SMPD3: variants seen among roughly 807,000 people sequenced by gnomAD.
SMPD3 encodes the protein sphingomyelin phosphodiesterase 3, also known as nSMase-2.
SMPD3 carries 21 observed loss-of-function variants against 55.7 expected under a neutral mutation model. The observed-to-expected ratio is 0.38, with a 90% CI of 0.27 to 0.54. SMPD3 has a LOEUF of 0.54. Ranked by LOEUF, SMPD3 falls within the 20% of genes least tolerant of loss-of-function variation. The pLI is 0.80. For missense variants in SMPD3, 842 were observed against 899.6 expected, an observed-to-expected ratio of 0.94 and a Z score of 0.82; for synonymous variants, 457 against 404.3, an observed-to-expected ratio of 1.13 and a Z score of -1.56.
intron 1 of SMPD3, among the ~76,000 whole-genome samples, chr16:68,420,837 ACT>A (rs2090387789): frequency 6.6e-6 from 1 of 152,132 alleles, no homozygotes; most frequent in Non-Finnish European, 1.5e-5. Flanking sequence ...CATGATGGTG[ACT>A]CAGGTAGGTG....
chr16:68,438,669 T>C (rs1281237544), intron 1 of SMPD3, among the ~76,000 whole-genome samples: 1 of 152,174 alleles, frequency 6.6e-6, no homozygotes, highest in African/African-American at 2.4e-5. Flanking sequence ...CCCTGTTCAT[T>C]TGATCACAAC....
At chr16:68,393,805 A>G (rs540665394) in intron 1 of SMPD3, among the ~76,000 whole-genome samples, 14 of 151,896 alleles carry the variant, frequency 9.2e-5, no homozygotes, top group East Asian at 1.9e-4. Flanking sequence ...AAAAAGTACA[A>G]TTGTGCACAA....
chr16:68,392,254 A>T (rs866173549), intron 1 of SMPD3, among the ~76,000 whole-genome samples: 2 of 152,182 alleles, frequency 1.3e-5, no homozygotes, highest in Non-Finnish European at 1.5e-5. Flanking sequence ...TGTACTTTGA[A>T]TTTTGACCTT....
At position 68,402,954 on chromosome 16, in the gene SMPD3, C is replaced by T. The variant is rs538977829; in HGVS notation, c.-268-16295G>A. Reference sequence around the variant, plus strand: ...TGCTGACTTGCTGGAGGGGAAGCTTCGCTTCTATAATGATGATGAGCTAGT... The same window carrying T: ...TGCTGACTTGCTGGAGGGGAAGCTTTGCTTCTATAATGATGATGAGCTAGT... On this transcript the variant is annotated intron_variant, in intron 1 of 8. Transcript: ENST00000219334. Among the ~76,000 whole-genome samples the T allele has an allele frequency of 6.6e-5, 10 of 152,322 alleles. No individual in the cohort carries two copies. The South Asian group carries it at 2.1e-3, about 32-fold the overall frequency.
intron 1 of SMPD3, among the ~76,000 whole-genome samples, chr16:68,441,989 C>T (rs140509137): frequency 8.1e-4 from 123 of 152,288 alleles, no homozygotes; most frequent in African/African-American, 2.9e-3. Context: ...TAGTCTTGAA[C>T]TCTTGGCCTC....
At chr16:68,362,879 C>T (rs914286534) in intron 7 of SMPD3, among the ~76,000 whole-genome samples, 2 of 152,186 alleles carry the variant, frequency 1.3e-5, no homozygotes, top group Non-Finnish European at 2.9e-5. Flanking sequence ...CAAATTTAGT[C>T]TATAATCTAA....
chr16:68,398,477 G>A (rs1410969195), intron 1 of SMPD3, among the ~76,000 whole-genome samples: 1 of 151,800 alleles, frequency 6.6e-6, no homozygotes, highest in Non-Finnish European at 1.5e-5. Context: ...CCTGGCCTGA[G>A]GTGGCCGAGC....
Position 68,361,680 on chromosome 16 carries a change from C to G in SMPD3, c.1789G>C (p.Glu597Gln). The G allele has an allele frequency of 3.1e-6, 5 of 1,612,792 alleles. No individual in the cohort carries two copies. Among genetic ancestry groups the G allele is most frequent in the Non-Finnish European group, 4.2e-6 (5 of 1,179,862 alleles). ...CGCCGGCCGTTGCCCTTCAGCAGCT[C>G]CTTCCGCCCCTTCTGGCCCGAGCTC... ...SKSSGQKGRKELLKGNGRRID... is the reference protein window; with the variant it reads ...SKSSGQKGRKQLLKGNGRRID... The change falls in exon 8 of 9, where the codon GAG becomes CAG. Residue 597 changes from glutamate to glutamine, a missense_variant. This residue lies in a region of SMPD3 where 649 missense variants were observed against 643.6 expected (regional missense o/e 1.01). Coordinates refer to ENST00000219334, the MANE Select transcript of SMPD3 (RefSeq NM_018667.4).
chr16:68,396,370 CCT>C (rs1435754408), intron 1 of SMPD3, among the ~76,000 whole-genome samples: 1 of 152,192 alleles, frequency 6.6e-6, no homozygotes, highest in East Asian at 1.9e-4. Context: ...CGTTTCTGCC[CCT>C]CTTTCTCCCA....
chr16:68,437,403 G>A lies in SMPD3; in HGVS notation c.-269+10950C>T, dbSNP rs189542242. ...TGTGCTGACACACATTGTTACTGGG[G>A]TCAATGGCCAGATGAGCCCTTAACA... is the stretch of plus-strand genomic sequence containing the variant. On this transcript the variant is annotated intron_variant, in intron 1 of 8. Coordinates refer to ENST00000219334, the MANE Select transcript of SMPD3 (RefSeq NM_018667.4). 5.3e-5 allele frequency among the ~76,000 whole-genome samples: 8 copies of A among 152,338 alleles called. No homozygotes were observed. In the East Asian group the frequency reaches 9.6e-4, roughly 18 times the overall value.
At chr16:68,364,572 G>C in intron 5 of SMPD3, 179 bp downstream of exon 5, 1 of 695,294 alleles carries the variant, frequency 1.4e-6, no homozygotes, top group South Asian at 2.1e-5. Flanking sequence ...GGCAGAGCGT[G>C]GGCTCTTCCT....
At chr16:68,387,227 T>A (rs563586912) in intron 1 of SMPD3, among the ~76,000 whole-genome samples, 33 of 151,892 alleles carry the variant, frequency 2.2e-4, no homozygotes, top group African/African-American at 7.7e-4. Context: ...CCAAAGGGAT[T>A]TGGTGGCTCC....
intron 1 of SMPD3, among the ~76,000 whole-genome samples, chr16:68,437,021 G>A (rs532781955): frequency 1.2e-4 from 18 of 152,324 alleles, no homozygotes; most frequent in South Asian, 2.1e-4. Context: ...TTCCAGAGGC[G>A]TGAGGAAGCA....
chr16:68,400,583 A>G (rs2090196862), intron 1 of SMPD3, among the ~76,000 whole-genome samples: 1 of 152,230 alleles, frequency 6.6e-6, no homozygotes, highest in Non-Finnish European at 1.5e-5. Flanking sequence ...ACAGTTTTAT[A>G]AAAATTAAGT....
intron 1 of SMPD3, among the ~76,000 whole-genome samples, chr16:68,420,457 T>C (rs1019544): frequency 0.76 from 115,917 of 152,144 alleles, 44,511 homozygotes; most frequent in East Asian, 0.88. Flanking sequence ...GCTAGGCTAA[T>C]AGCCTGGTTA....
intron 1 of SMPD3, among the ~76,000 whole-genome samples, chr16:68,393,822 C>CCTTTTGGAATTCCCCTTT (rs2090132981): frequency 6.6e-6 from 1 of 152,114 alleles, no homozygotes; most frequent in Admixed American, 6.5e-5. Context: ...ACAACTTTCC[C>CCTTTTGGAATTCCCCTTT]CCAATTTTTA....
chr16:68,388,117 A>C (rs1309277818), intron 1 of SMPD3, among the ~76,000 whole-genome samples: 1 of 152,166 alleles, frequency 6.6e-6, no homozygotes, highest in Non-Finnish European at 1.5e-5. Flanking sequence ...CCGGCACTTG[A>C]TATTGCCAGA....
chr16:68,434,576 A>G (rs543533545), intron 1 of SMPD3, among the ~76,000 whole-genome samples: 1 of 152,234 alleles, frequency 6.6e-6, no homozygotes, highest in Non-Finnish European at 1.5e-5. Flanking sequence ...TTGTCTTCTT[A>G]CAAGGGAATG....
rs79952065 is a variant in SMPD3, at chr16:68,447,667, C to A, written c.-269+686G>T. ...AGAAGGATGGGGAGGGGTCTCCCAGCGTTTCCCTGCCACATTCCAATTCCA... is the reference window on the plus strand; with the variant it reads ...AGAAGGATGGGGAGGGGTCTCCCAGAGTTTCCCTGCCACATTCCAATTCCA... On this transcript the variant is annotated intron_variant, in intron 1 of 8. Transcript: ENST00000219334. The surrounding 1 kb of genome is among the most constrained non-coding windows in gnomAD (Gnocchi z 5.1). Among the ~76,000 whole-genome samples, 3 of 152,138 alleles carry A rather than the reference C, an allele frequency of 2.0e-5. No individual in the cohort carries two copies. The highest frequency in any genetic ancestry group is 4.4e-5 in the Non-Finnish European group (3 of 68,004).
Sources: gnomAD v4.1 joint callset for allele counts (sites outside exome capture counted in the v4.1 genomes callset) on GRCh38, gnomAD v4.1.1 for gene constraint, gnomAD v4.1.1 regional missense constraint, Gnocchi (gnomAD v3.1) non-coding constraint, MANE v1.5 for transcripts, NCBI Gene and HGNC (gene_info 2026-07-23, HGNC 2026-07-21) for gene names.